Variants in CDH11 observed in about 807,000 individuals in gnomAD.
CDH11 encodes cadherin 11, also known as cadherin-11.
In CDH11, 11 loss-of-function variants were observed where a neutral mutation model predicts 67.8. That is an observed-to-expected ratio of 0.16 (90% CI 0.10 to 0.27). The LOEUF (loss-of-function observed/expected upper bound fraction) is 0.27, where lower values mean the gene tolerates loss of function less well. Among genes scored for constraint, CDH11 ranks in the 10% least tolerant of loss-of-function variants. The pLI, the probability that CDH11 is intolerant of heterozygous loss-of-function variation, is 1.00. For missense variants in CDH11, 847 were observed against 1,031.2 expected (o/e 0.82, Z 2.45); for synonymous variants, 419 against 400.0 (o/e 1.05, Z -0.57).
intron 8 of CDH11, among the ~76,000 whole-genome samples, chr16:64,978,898 A>G (rs2072251415): frequency 1.3e-5 from 2 of 152,202 alleles, no homozygotes; most frequent in South Asian, 4.1e-4. Context: ...TAGACATTAA[A>G]AAAAAAGAAT....
intron 12 of CDH11, 52 bp downstream of exon 12, chr16:64,950,715 G>T: frequency 6.3e-7 from 1 of 1,591,150 alleles, no homozygotes; most frequent in Non-Finnish European, 8.6e-7. Context: ...GTTTCAAGGA[G>T]GGGCATCCGG....
chr16:65,065,187 G>A (rs946495037), intron 1 of CDH11, among the ~76,000 whole-genome samples: 1 of 152,146 alleles, frequency 6.6e-6, no homozygotes, highest in Non-Finnish European at 1.5e-5. Context: ...AGCCCTACAG[G>A]AAAGTAGGTC....
intron 2 of CDH11, among the ~76,000 whole-genome samples, chr16:65,010,025 G>A (rs1274005748): frequency 6.6e-6 from 1 of 152,194 alleles, no homozygotes; most frequent in African/African-American, 2.4e-5. Flanking sequence ...TTATTGGGTG[G>A]AGAATGAAAG....
intron 2 of CDH11, among the ~76,000 whole-genome samples, chr16:65,020,096 C>G (rs2073392277): frequency 6.6e-6 from 1 of 152,134 alleles, no homozygotes; most frequent in Non-Finnish European, 1.5e-5. Flanking sequence ...GAGCCTAGAA[C>G]ATCAGATAGA....
At chr16:65,122,089 G>A (rs527480624), upstream of CDH11, 938 of 360,706 alleles carry the variant, frequency 2.6e-3, 12 homozygotes, top group South Asian at 0.019. Context: ...CTAGTGGCAG[G>A]AATGAGAAAC....
intron 1 of CDH11, among the ~76,000 whole-genome samples, chr16:65,085,144 C>T (rs1397405746): frequency 6.6e-6 from 1 of 152,170 alleles, no homozygotes; most frequent in Non-Finnish European, 1.5e-5. Flanking sequence ...CTCCTGACCT[C>T]AGGTTATCCA....
chr16:64,988,277 T>G lies in CDH11; in HGVS notation c.879A>C (p.Lys293Asn). ...PGEEVGRVKA[K>N]DPDIGENGLV... ...AGCCATTTTCTCCAATGTCTGGATC[T>G]TTAGCTTTCACTCTTCCTACTTCCT... Residue 293 changes from lysine (K) to asparagine (N), a missense_variant, in exon 7 of 13, where the codon AAA (lysine) becomes AAC (asparagine). Transcript: ENST00000268603. 1 of 1,613,806 alleles carries G rather than the reference T, an allele frequency of 6.2e-7. No homozygotes were observed.
chr16:65,060,360 G>T (rs756913327), intron 1 of CDH11, among the ~76,000 whole-genome samples: 70 of 150,836 alleles, frequency 4.6e-4, no homozygotes, highest in African/African-American at 9.0e-4. Context: ...TATATAGAGA[G>T]AGAGAGAGAG....
intron 1 of CDH11, among the ~76,000 whole-genome samples, chr16:65,115,721 AC>A (rs66962225): frequency 0.28 from 26,222 of 92,432 alleles, 3,502 homozygotes; most frequent in Non-Finnish European, 0.39. Context: ...AAAAAAAAAA[AC>A]AAAAAAACAA....
chr16:64,981,969 G>A (rs1045272849), intron 8 of CDH11, 79 bp downstream of exon 8: 22 of 1,286,752 alleles, frequency 1.7e-5, no homozygotes, highest in Middle Eastern at 2.0e-4. Context: ...ATTGAAAAAC[G>A]TGGTTCCTAC....
Position 65,014,651 on chromosome 16 carries a change from A to G in CDH11, c.-172-9610T>C, listed in dbSNP as rs572370225. 1.1e-3 allele frequency among the ~76,000 whole-genome samples: 168 copies of G among 152,164 alleles called. 1 individual carries two copies. Among genetic ancestry groups the G allele is most frequent in the African/African-American group, 3.5e-3 (144 of 41,516 alleles). On this transcript the variant is annotated intron_variant, in intron 2 of 12. Transcript: ENST00000268603. ...ATTGCAATAGTTCAGGTGAGAGGTA[A>G]TATGGTTCCAAACCAGAAAAAATAA... is the stretch of plus-strand genomic sequence containing the variant.
intron 1 of CDH11, among the ~76,000 whole-genome samples, chr16:65,065,172 T>G (rs914946105): frequency 6.6e-6 from 1 of 151,944 alleles, no homozygotes; most frequent in Non-Finnish European, 1.5e-5. Flanking sequence ...GGGAGCAGAG[T>G]CTAAAGCCCT....
At chr16:65,057,862 C>A (rs1390099154) in intron 1 of CDH11, among the ~76,000 whole-genome samples, 1 of 152,136 alleles carries the variant, frequency 6.6e-6, no homozygotes, top group Non-Finnish European at 1.5e-5. Context: ...TAAGAACCCA[C>A]CAGGAGGCCC....
chr16:65,008,930 T>C (rs540745386), intron 2 of CDH11, among the ~76,000 whole-genome samples: 361 of 152,274 alleles, frequency 2.4e-3, no homozygotes, highest in Non-Finnish European at 3.5e-3. Context: ...ATGTTTTCCA[T>C]GAGTTGAGTC....
intron 1 of CDH11, among the ~76,000 whole-genome samples, chr16:65,093,788 T>C (rs1359997031): frequency 6.6e-6 from 1 of 152,206 alleles, no homozygotes; most frequent in South Asian, 2.1e-4. Flanking sequence ...AATTTCAGTA[T>C]GTTCTTATAC....
chr16:65,023,191 A>T (rs2073461650), intron 2 of CDH11, among the ~76,000 whole-genome samples: 1 of 152,234 alleles, frequency 6.6e-6, no homozygotes, highest in Non-Finnish European at 1.5e-5. Flanking sequence ...GCATCAGGCT[A>T]CCAAGCCAAA....
chr16:65,028,579 A>C (rs1269843874), intron 2 of CDH11, among the ~76,000 whole-genome samples: 2 of 152,294 alleles, frequency 1.3e-5, no homozygotes, highest in East Asian at 3.9e-4. Context: ...TGCAGCTGAG[A>C]TATCCCAGCC....
At chr16:64,968,430 C>T (rs1329811011) in intron 11 of CDH11, 5 of 984,750 alleles carry the variant, frequency 5.1e-6, no homozygotes, top group Non-Finnish European at 6.0e-6. Flanking sequence ...GTAAATGCAT[C>T]TCAAAACCTG....
At chr16:65,022,184 AAAC>A (rs2073441454) in intron 2 of CDH11, among the ~76,000 whole-genome samples, 1 of 152,164 alleles carries the variant, frequency 6.6e-6, no homozygotes, top group African/African-American at 2.4e-5. Flanking sequence ...CCTTAAAAGG[AAAC>A]ATATTTTAGA....
Sources: allele counts gnomAD v4.1 joint callset (sites outside exome capture counted in the v4.1 genomes callset), GRCh38; gene constraint gnomAD v4.1.1; transcripts MANE v1.5; gene names NCBI Gene and HGNC (gene_info 2026-07-23, HGNC 2026-07-21).